Variants in NUP42 observed in about 807,000 individuals in gnomAD.
NUP42 encodes nucleoporin NUP42.
In NUP42, 47 loss-of-function variants were observed where a neutral mutation model predicts 35.9. That is an observed-to-expected ratio of 1.31 (90% CI 1.04 to 1.67). NUP42 has a LOEUF of 1.67. NUP42 is among the 40% of genes most tolerant of loss of function. The pLI, the probability that NUP42 is intolerant of heterozygous loss-of-function variation, is 0.00. For synonymous variants in NUP42, 173 were observed against 173.3 expected (o/e 1.00, Z 0.01); for missense variants, 514 against 492.2 (o/e 1.04, Z -0.42).
rs112623926 is a variant in NUP42 at position 23,190,352 on chromosome 7, T to C, written c.445+3206T>C. On this transcript the variant is annotated intron_variant, in intron 3 of 6. Coordinates refer to ENST00000258742, the MANE Select transcript of NUP42 (RefSeq NM_007342.3). ...TTCTATTAAGCCAAACATTAAGAGATGTATAAACATAAAGCAAGGCTATTC... is the reference window on the plus strand; with the variant it reads ...TTCTATTAAGCCAAACATTAAGAGACGTATAAACATAAAGCAAGGCTATTC... 2.3e-3 allele frequency among the ~76,000 whole-genome samples: 353 copies of C among 152,362 alleles called. 2 individuals are homozygous for C. The highest frequency in any genetic ancestry group is 8.0e-3 in the African/African-American group (331 of 41,584).
At chr7:23,185,341 G>T in intron 2 of NUP42, 43 bp downstream of exon 2, 2 of 1,301,072 alleles carry the variant, frequency 1.5e-6, no homozygotes, top group South Asian at 1.3e-5. Flanking sequence ...ATTTGCTTAT[G>T]TTTTTTCACC....
At chr7:23,187,344 T>C (rs1785627802) in intron 3 of NUP42, 198 bp downstream of exon 3, 1 of 442,842 alleles carries the variant, frequency 2.3e-6, no homozygotes. Flanking sequence ...TTTTAAGACA[T>C]ATAGTTCTTG....
chr7:23,196,652 C>T (rs1786021494), intron 4 of NUP42, 28 bp from the exon 5 acceptor site: 1 of 1,455,874 alleles, frequency 6.9e-7, no homozygotes, highest in East Asian at 2.3e-5. Context: ...CAATATTGAA[C>T]TGTTATTTTT....
intron 3 of NUP42, chr7:23,187,434 C>T: frequency 4.4e-6 from 1 of 225,792 alleles, no homozygotes. Context: ...AACCTCTTAG[C>T]TTCCTGTTGT....
At chr7:23,183,009 A>G (rs905245394) in intron 1 of NUP42, among the ~76,000 whole-genome samples, 8 of 152,196 alleles carry the variant, frequency 5.3e-5, no homozygotes, top group African/African-American at 1.9e-4. Context: ...TTGGGGTGAA[A>G]TTGGGAATGT....
rs758695627 is a variant in NUP42 at position 23,185,153 on chromosome 7, T to TG, written c.212dup (p.Ser72GlnfsTer13). 53 of 1,613,834 alleles carry TG rather than the reference T, an allele frequency of 3.3e-5. No individual in the cohort carries two copies. Among genetic ancestry groups the TG allele is most frequent in the East Asian group, 1.3e-4 (6 of 44,892 alleles). Reference sequence around the variant, plus strand: ...ATCCAGTTTCTCCAAATCCACACCATGGGGGGGCAGCAGAGATCAAGAAAA... The same window carrying TG: ...ATCCAGTTTCTCCAAATCCACACCATGGGGGGGGCAGCAGAGATCAAGAAAA... On this transcript the variant is annotated frameshift_variant, in exon 2 of 7. Coordinates refer to ENST00000258742, the MANE Select transcript of NUP42 (RefSeq NM_007342.3). LOFTEE classifies it high-confidence loss of function.
chr7:23,199,444 C>CTT lies in NUP42; in HGVS notation c.610-5_610-4dup. 8 of 1,455,600 alleles carry CTT rather than the reference C, an allele frequency of 5.5e-6. No homozygotes were observed. Among genetic ancestry groups the CTT allele is most frequent in the Non-Finnish European group, 7.6e-6 (8 of 1,057,352 alleles). 90.2% of individuals were successfully genotyped at this position (1,455,600 alleles called of 1,614,324 possible). On this transcript the variant is annotated splice_polypyrimidine_tract_variant and intron_variant, in intron 5 of 6. Coordinates refer to ENST00000258742, the MANE Select transcript of NUP42 (RefSeq NM_007342.3). ...CATCAAGCACTTTATTATTTGCACA[C>CTT]TTTTTTTTTTCAGCTCTCTGATGTA...
Position 23,200,639 on chromosome 7 carries a change from C to T in NUP42, c.1166C>T (p.Pro389Leu), listed in dbSNP as rs1232876823. Residue 389 changes from proline (P) to leucine (L), a missense_variant, in exon 7 of 7, where the codon CCC (proline) becomes CTC (leucine). Transcript: ENST00000258742. Reference sequence around the variant, plus strand: ...GCAACAGATAATGTGTTATTCACACCCAGAGATAAACTAACAGTAGAAGAA... The same window carrying T: ...GCAACAGATAATGTGTTATTCACACTCAGAGATAAACTAACAGTAGAAGAA... ...IIATDNVLFT[P>L]RDKLTVEELE... 6.2e-7 allele frequency: 1 copy of T among 1,613,684 alleles called. No homozygotes were observed. The highest frequency in any genetic ancestry group is 1.1e-5 in the South Asian group (1 of 90,990).
At chr7:23,182,697 A>G (rs1182189704) in intron 1 of NUP42, among the ~76,000 whole-genome samples, 1 of 145,354 alleles carries the variant, frequency 6.9e-6, no homozygotes, top group Non-Finnish European at 1.5e-5. Context: ...GGAGTTTGAG[A>G]CCAGCCTGAC....
At position 23,200,431 on chromosome 7, in the gene NUP42, C is replaced by G. The variant is rs1441519513; in HGVS notation, c.958C>G (p.Pro320Ala). 6.2e-7 allele frequency: 1 copy of G among 1,614,196 alleles called. No homozygotes were observed. Among genetic ancestry groups the G allele is most frequent in the East Asian group, 2.2e-5 (1 of 44,886 alleles). ...SFGSPGFSGLPASLATGPVRA... is the reference protein window; with the variant it reads ...SFGSPGFSGLAASLATGPVRA... ...TGGATCACCTGGATTTTCAGGACTT[C>G]CAGCTTCCTTGGCAACAGGTCCTGT... The change falls in exon 7 of 7, where the codon CCA (proline) becomes GCA (alanine). Residue 320 changes from proline to alanine, a missense_variant. Transcript: ENST00000258742.
In NUP42 at chr7:23,200,751, CA is replaced by C. The variant is rs745757480; in HGVS notation, c.*8del. Reference sequence around the variant, plus strand: ...TGGAACTTCTAAATGTTTAAAAGGGCAATTTTAAATACAAAAAAGAATGATG... The same window carrying C: ...TGGAACTTCTAAATGTTTAAAAGGGCATTTTAAATACAAAAAAGAATGATG... On this transcript the variant is annotated 3_prime_UTR_variant, in exon 7 of 7. Transcript: ENST00000258742. 1 of 1,532,708 alleles carries C rather than the reference CA, an allele frequency of 6.5e-7. No individual in the cohort carries two copies. Among genetic ancestry groups the C allele is most frequent in the African/African-American group, 1.4e-5 (1 of 72,160 alleles). The allele number at this position is 1,532,708 out of a possible 1,614,324, so 94.9% of individuals were successfully genotyped here.
rs1786193593 is a variant in NUP42 at position 23,200,661 on chromosome 7, A to C, written c.1188A>C (p.Glu396Asp). The C allele has an allele frequency of 4.3e-6, 7 of 1,613,770 alleles. No individual in the cohort carries two copies. The highest frequency in any genetic ancestry group is 5.9e-6 in the Non-Finnish European group (7 of 1,179,912). Residue 396 changes from glutamate (E) to aspartate (D), a missense_variant, in exon 7 of 7, where the codon GAA becomes GAC. By Grantham distance (45) the Glu-to-Asp change is conservative (BLOSUM62 2). Coordinates refer to ENST00000258742, the MANE Select transcript of NUP42 (RefSeq NM_007342.3). ...CACCCAGAGATAAACTAACAGTAGA[A>C]GAACTGGAACAATTTCAATCCAAGA... is the stretch of plus-strand genomic sequence containing the variant. ...LFTPRDKLTV[E>D]ELEQFQSKKF...
At position 23,199,490 on chromosome 7, in the gene NUP42, A is replaced by T. The variant is rs1022587610; in HGVS notation, c.642A>T (p.Ala214=). 13 of 1,614,050 alleles carry T rather than the reference A, an allele frequency of 8.1e-6. No individual in the cohort carries two copies. Among genetic ancestry groups the T allele is most frequent in the Non-Finnish European group, 1.1e-5 (13 of 1,180,020 alleles). The change falls in exon 6 of 7, where the codon GCA becomes GCT. Residue 214 remains alanine (A), a synonymous_variant. Transcript: ENST00000258742. ...LSDVKDGVNQ[A]APAFGFGSSQ... ...ATGTAAAGGATGGAGTAAATCAAGC[A>T]GCACCTGCATTTGGATTTGGCAGCA... is the stretch of plus-strand genomic sequence containing the variant.
At chr7:23,193,732 A>G (rs1419905321) in intron 3 of NUP42, among the ~76,000 whole-genome samples, 1 of 152,092 alleles carries the variant, frequency 6.6e-6, no homozygotes, top group Admixed American at 6.5e-5. Context: ...GTGTGCCCAC[A>G]CTCCTCAGCC....
intron 1 of NUP42, among the ~76,000 whole-genome samples, chr7:23,183,766 A>C (rs1418979923): frequency 2.0e-5 from 3 of 150,970 alleles, no homozygotes; most frequent in African/African-American, 7.3e-5. Flanking sequence ...AAAAAAAAAA[A>C]AAAAAAAAAA....
Position 23,182,439 on chromosome 7 carries a change from G to T in NUP42, c.121+233G>T, listed in dbSNP as rs1583753227. The T allele has an allele frequency of 3.0e-6, 4 of 1,337,194 alleles. No homozygotes were observed. The South Asian group carries it at 6.0e-5, about 20-fold the overall frequency. The allele number at this position is 1,337,194 out of a possible 1,614,324, so 82.8% of individuals were successfully genotyped here. On this transcript the variant is annotated intron_variant, in intron 1 of 6. Coordinates refer to ENST00000258742, the MANE Select transcript of NUP42 (RefSeq NM_007342.3). The stretch of plus-strand genomic sequence containing the variant: ...GACCTGGGTTTGGGCCTGGATGCTT[G>T]TGCGAAACTGAGTTTTTAAATCGGA...
Position 23,199,501 on chromosome 7 carries a change from T to C in NUP42, c.653T>C (p.Phe218Ser). The change falls in exon 6 of 7, where the codon TTT becomes TCT. Residue 218 changes from phenylalanine (F) to serine (S), a missense_variant. Physicochemically the swap from Phe to Ser is radical, Grantham distance 155. Transcript: ENST00000258742. ...KDGVNQAAPA[F>S]GFGSSQAATF... ...GGAGTAAATCAAGCAGCACCTGCAT[T>C]TGGATTTGGCAGCAGTCAAGCAGCA... The C allele has an allele frequency of 3.1e-6, 5 of 1,614,116 alleles. No homozygotes were observed. Among genetic ancestry groups the C allele is most frequent in the Non-Finnish European group, 3.4e-6 (4 of 1,180,018 alleles).
intron 3 of NUP42, chr7:23,195,026 TG>T (rs1415911452): frequency 6.6e-6 from 1 of 152,236 alleles, no homozygotes; most frequent in Non-Finnish European, 1.5e-5. Flanking sequence ...AGTTTGTCTC[TG>T]GTACTAAAAA....
rs754399667 is a variant in NUP42 at position 23,195,819 on chromosome 7, C to T, written c.446-20C>T. 3.0e-5 allele frequency: 46 copies of T among 1,524,076 alleles called. No homozygotes were observed. The highest frequency in any genetic ancestry group is 1.7e-4 in the Middle Eastern group (1 of 5,806). The allele number at this position is 1,524,076 out of a possible 1,614,324, so 94.4% of individuals were successfully genotyped here. A position where few individuals can be genotyped will look rare whatever the true frequency, so the allele number is the denominator to read the frequency against. On this transcript the variant is annotated intron_variant, in intron 3 of 6. Coordinates refer to ENST00000258742, the MANE Select transcript of NUP42 (RefSeq NM_007342.3). ...TTATTGGCATTTATTTTAAAGATTC[C>T]GATTGATTCCTCACTTCAGGTTTTA...
Sources: allele counts gnomAD v4.1 joint callset (sites outside exome capture counted in the v4.1 genomes callset), GRCh38; gene constraint gnomAD v4.1.1; transcripts MANE v1.5; gene names NCBI Gene and HGNC (gene_info 2026-07-23, HGNC 2026-07-21).